Variants in CDK11A observed in about 807,000 individuals in gnomAD.
CDK11A encodes cyclin-dependent kinase 11A.
In CDK11A, 55 loss-of-function variants were observed where a neutral mutation model predicts 83.6. The ratio of observed to expected loss-of-function variants is 0.66; its 90% CI spans 0.53 to 0.82. The LOEUF (loss-of-function observed/expected upper bound fraction) is 0.82. Among genes scored for constraint, CDK11A ranks in the 40% least tolerant of loss-of-function variants. CDK11A has a pLI of 0.00. For synonymous variants in CDK11A, 247 were observed against 302.7 expected (o/e 0.82, Z 1.91); for missense variants, 564 against 810.1 (o/e 0.70, Z 3.69).
At chr1:1,715,009 A>G (rs1644585784) in intron 5 of CDK11A, among the ~76,000 whole-genome samples, 1 of 149,156 alleles carries the variant, frequency 6.7e-6, no homozygotes, top group South Asian at 2.1e-4. Flanking sequence ...ACCCCTTCCA[A>G]GGCAGCAAGG....
intron 11 of CDK11A, 79 bp from the exon 12 acceptor site, chr1:1,705,811 C>CA: frequency 2.0e-6 from 1 of 512,464 alleles, no homozygotes; most frequent in Middle Eastern, 4.7e-4. Flanking sequence ...AGGCACGGCA[C>CA]ACCCAGCACG....
intron 4 of CDK11A, among the ~76,000 whole-genome samples, chr1:1,718,457 G>A (rs1405652087): frequency 6.7e-6 from 1 of 148,408 alleles, no homozygotes; most frequent in African/African-American, 2.5e-5. Context: ...TGTGACACAC[G>A]CACGCTTTCA....
At chr1:1,710,699 C>A (rs1644467928) in intron 6 of CDK11A, among the ~76,000 whole-genome samples, 2 of 150,800 alleles carry the variant, frequency 1.3e-5, no homozygotes. Context: ...CTGTCTTAAA[C>A]CTTCAGTTCC....
intron 9 of CDK11A, 98 bp from the exon 10 acceptor site, chr1:1,708,343 C>G (rs1644399530): frequency 2.1e-6 from 3 of 1,460,056 alleles, no homozygotes; most frequent in South Asian, 1.3e-5. Context: ...CAAGTGTTCC[C>G]AAGAATGGAT....
rs1360434615 is a variant in CDK11A, at chr1:1,719,432, G to C, written c.251C>G (p.Ala84Gly). ...EDRGEEDDSL[A>G]IKPPQQMSRK... ...AGACATTTGCTGGGGTGGTTTGATG[G>C]CCAAAGAATCATCTTCTTCTCCTCT... The change falls in exon 4 of 20, where the codon GCC becomes GGC. Residue 84 changes from alanine to glycine, a missense_variant. Physicochemically the swap from Ala to Gly is moderately conservative, Grantham distance 60. Coordinates refer to ENST00000404249, the MANE Select transcript of CDK11A (RefSeq NM_024011.4). 1.3e-6 allele frequency: 2 copies of C among 1,517,990 alleles called. No homozygotes were observed. The highest frequency in any genetic ancestry group is 1.7e-4 in the Middle Eastern group (1 of 5,738). 94.0% of individuals were successfully genotyped at this position (1,517,990 alleles called of 1,614,324 possible).
chr1:1,704,452 T>TGGATGCAGCTGGCCCTCCCTGC lies in CDK11A; in HGVS notation c.1564+76_1564+97dup, dbSNP rs1553174213. On this transcript the variant is annotated intron_variant, in intron 14 of 19. Coordinates refer to ENST00000404249, the MANE Select transcript of CDK11A (RefSeq NM_024011.4). The stretch of plus-strand genomic sequence containing the variant: ...CAGAGGCTTCTCAGGGCTTTCCCTG[T>TGGATGCAGCTGGCCCTCCCTGC]GGATGCAGCTGGCCCTCCCTGCAGC... 1.3e-6 allele frequency: 2 copies of TGGATGCAGCTGGCCCTCCCTGC among 1,537,658 alleles called. 1 individual carries two copies. The highest frequency in any genetic ancestry group is 1.8e-6 in the Non-Finnish European group (2 of 1,137,540).
At chr1:1,717,965 CTG>C (rs1644740233) in intron 4 of CDK11A, among the ~76,000 whole-genome samples, 1 of 150,298 alleles carries the variant, frequency 6.7e-6, no homozygotes, top group South Asian at 2.1e-4. Context: ...TCTGAATGGT[CTG>C]TGACACACGC....
intron 5 of CDK11A, among the ~76,000 whole-genome samples, chr1:1,714,965 G>A (rs1644583477): frequency 2.0e-5 from 3 of 150,178 alleles, no homozygotes; most frequent in Admixed American, 1.3e-4. Context: ...GATGCTGGTG[G>A]GCAAGGCCAC....
intron 6 of CDK11A, among the ~76,000 whole-genome samples, chr1:1,710,353 A>G (rs959927766): frequency 2.8e-5 from 1 of 35,200 alleles, no homozygotes; most frequent in African/African-American, 6.7e-5. Context: ...GAACATTAAA[A>G]ACATCTGTAT....
chr1:1,703,978 C>G lies in CDK11A; in HGVS notation c.1795-38G>C, dbSNP rs548275977. ...GAGAGGTGTTCAGGAAGGCCAGTGC[C>G]CGCGAAGCTGTGGGAGGCTGCATGG... On this transcript the variant is annotated intron_variant, in intron 16 of 19. Transcript: ENST00000404249. 3.1e-6 allele frequency: 5 copies of G among 1,607,726 alleles called. No individual in the cohort carries two copies. The African/African-American group carries it at 6.7e-5, about 22-fold the overall frequency.
Position 1,705,004 on chromosome 1 carries a change from C to A in CDK11A, c.1358G>T (p.Arg453Leu). The change falls in exon 13 of 20, where the codon CGG becomes CTG. Residue 453 changes from arginine (R) to leucine (L), a missense_variant. Physicochemically the swap from Arg to Leu is moderately radical, Grantham distance 102 (BLOSUM62 -2). This residue lies in a region of CDK11A where 361 missense variants were observed against 402.7 expected (regional missense o/e 0.90). Coordinates refer to ENST00000404249, the MANE Select transcript of CDK11A (RefSeq NM_024011.4). ...CTCCTTCTCCTTCTCCATCTTCAGC[C>A]GCTTTAGAGCCACAATTTCATCTGT... ...KKTDEIVALKRLKMEKEKEGF... is the reference protein window; with the variant it reads ...KKTDEIVALKLLKMEKEKEGF... 6.3e-7 allele frequency: 1 copy of A among 1,597,082 alleles called. No homozygotes were observed. Among genetic ancestry groups the A allele is most frequent in the South Asian group, 1.1e-5 (1 of 89,214 alleles).
At position 1,704,362 on chromosome 1, in the gene CDK11A, T is replaced by TCCCATGTGGACCCGGCCGC. The variant is rs769923550; in HGVS notation, c.1565-37_1565-19dup. 2.0e-4 allele frequency: 324 copies of TCCCATGTGGACCCGGCCGC among 1,606,576 alleles called. 10 individuals are homozygous for TCCCATGTGGACCCGGCCGC. The African/African-American group carries it at 3.8e-3, about 19-fold the overall frequency. On this transcript the variant is annotated intron_variant, in intron 14 of 19. Coordinates refer to ENST00000404249, the MANE Select transcript of CDK11A (RefSeq NM_024011.4). ...CACCTCCCCTGGGAGGGAGGGAGGC[T>TCCCATGTGGACCCGGCCGC]CCCATGTGGACCCGGCCGCCCCAAG...
intron 5 of CDK11A, 67 bp downstream of exon 5, chr1:1,716,279 C>T (rs1438296539): frequency 6.5e-7 from 1 of 1,543,970 alleles, no homozygotes; most frequent in Non-Finnish European, 8.9e-7. Context: ...AATTCTTCTT[C>T]ATTGCTGTGA....
intron 16 of CDK11A, 32 bp downstream of exon 16, chr1:1,704,007 A>T: frequency 1.2e-6 from 2 of 1,602,966 alleles, no homozygotes; most frequent in Non-Finnish European, 1.7e-6. Flanking sequence ...TGCATGGGGG[A>T]CAGGGGAGGC....
chr1:1,721,480 G>A, intron 3 of CDK11A, 116 bp downstream of exon 3: 6 of 1,223,184 alleles, frequency 4.9e-6, no homozygotes, highest in South Asian at 1.5e-5. Flanking sequence ...GTAACTCTAG[G>A]AAAGAGTAAA....
At chr1:1,722,374 A>G in intron 2 of CDK11A, 1 of 378,126 alleles carries the variant, frequency 2.6e-6, no homozygotes, top group South Asian at 2.7e-5. Context: ...AAATATTTAT[A>G]TTAATTTCAA....
intron 18 of CDK11A, 99 bp downstream of exon 18, chr1:1,703,377 G>C: frequency 9.6e-7 from 1 of 1,041,372 alleles, no homozygotes. Flanking sequence ...CCAGGCACCA[G>C]AGCAGTTCTG....
In CDK11A at chr1:1,718,826, C is replaced by T. The variant is rs1206293519; in HGVS notation, c.355+502G>A. Among the ~76,000 whole-genome samples, 24 of 150,368 alleles carry T rather than the reference C, an allele frequency of 1.6e-4. 1 individual carries two copies. The highest frequency in any genetic ancestry group is 5.9e-4 in the African/African-American group (24 of 40,962). ...TAATTTTTTGTATTTTTAGTAGAGA[C>T]TGGGTTTCACCGTGTTAGCCAGGAT... is the stretch of plus-strand genomic sequence containing the variant. On this transcript the variant is annotated intron_variant, in intron 4 of 19. Coordinates refer to ENST00000404249, the MANE Select transcript of CDK11A (RefSeq NM_024011.4).
Position 1,716,315 on chromosome 1 carries a change from A to G in CDK11A, c.488+31T>C. ...CAGGACACACTACCACGGCCCTTTCATAAAGTCCTCAACTGACCCAGCCCA... is the reference window on the plus strand; with the variant it reads ...CAGGACACACTACCACGGCCCTTTCGTAAAGTCCTCAACTGACCCAGCCCA... On this transcript the variant is annotated intron_variant, in intron 5 of 19. Transcript: ENST00000404249. The G allele has an allele frequency of 2.5e-6, 4 of 1,602,712 alleles. 1 individual carries two copies. Among genetic ancestry groups the G allele is most frequent in the Non-Finnish European group, 3.4e-6 (4 of 1,172,420 alleles).
Sources: gnomAD v4.1 joint callset for allele counts (sites outside exome capture counted in the v4.1 genomes callset) on GRCh38, gnomAD v4.1.1 for gene constraint, gnomAD v4.1.1 regional missense constraint, MANE v1.5 for transcripts, NCBI Gene and HGNC (gene_info 2026-07-23, HGNC 2026-07-21) for gene names.